CPLANE1: variants seen among roughly 807,000 people sequenced by gnomAD.
CPLANE1 encodes the protein ciliogenesis and planar polarity effector 1.
A neutral mutation model predicts 362.5 loss-of-function variants in CPLANE1; 263 were observed. That is an observed-to-expected ratio of 0.73 (90% CI 0.66 to 0.80). The LOEUF (loss-of-function observed/expected upper bound fraction) is 0.80. Among genes scored for constraint, CPLANE1 ranks in the 30% least tolerant of loss-of-function variants. The pLI is 0.00. For missense variants in CPLANE1, 3,461 were observed against 3,793.4 expected, an observed-to-expected ratio of 0.91 and a Z score of 2.30; for synonymous variants, 1,212 against 1,302.6, an observed-to-expected ratio of 0.93 and a Z score of 1.50.
At chr5:37,087,607 C>A in the CPLANE1 span, among the ~76,000 whole-genome samples, 33 of 152,172 alleles carry the variant, frequency 2.2e-4, no homozygotes, top group Non-Finnish European at 5.9e-5. Flanking sequence ...CAGGCGCCCA[C>A]CACCACGCCC....
chr5:37,233,978 G>A (rs1045249465), intron 8 of CPLANE1, among the ~76,000 whole-genome samples: 3 of 152,142 alleles, frequency 2.0e-5, no homozygotes, highest in African/African-American at 7.2e-5. Context: ...CCAACCCTGT[G>A]TACTACTGAA....
At chr5:37,208,843 A>G (rs1277913079) in intron 16 of CPLANE1, among the ~76,000 whole-genome samples, 1 of 152,066 alleles carries the variant, frequency 6.6e-6, no homozygotes, top group Admixed American at 6.6e-5. Context: ...ATATATTTAA[A>G]TTTCTGTCTC....
chr5:37,159,204 C>A lies in CPLANE1; in HGVS notation c.7691-859G>T, dbSNP rs528213637. Among the ~76,000 whole-genome samples, 26 of 146,848 alleles carry A rather than the reference C, an allele frequency of 1.8e-4. No homozygotes were observed. In the South Asian group the frequency reaches 4.2e-3, roughly 23 times the overall value. ...TCGGCTCACTGCAAGCTCCGCTTCC[C>A]GGGTTCACGCCATTCTCCTGCCTCA... On this transcript the variant is annotated intron_variant, in intron 38 of 52. Coordinates refer to ENST00000651892, the MANE Select transcript of CPLANE1 (RefSeq NM_001384732.1).
chr5:37,208,488 T>A (rs532006363), intron 16 of CPLANE1, among the ~76,000 whole-genome samples: 60 of 152,282 alleles, frequency 3.9e-4, no homozygotes, highest in African/African-American at 1.4e-3. Flanking sequence ...CCATCCTGGC[T>A]AACACGGTGA....
At position 37,198,702 on chromosome 5, in the gene CPLANE1, C is replaced by T. The variant is rs1220560319; in HGVS notation, c.3672G>A (p.Lys1224=). ...GTAAATGACTAAGATATTTCCATAC[C>T]TTCTGCATGACTTTTCTTGCCCACC... ...QLRWARKVMQ[K]IRMKGSLPSL... The change falls in exon 20 of 53, where the codon AAG becomes AAA. Residue 1224 remains lysine, a splice_region_variant and synonymous_variant. Transcript: ENST00000651892. The T allele has an allele frequency of 2.5e-6, 4 of 1,612,092 alleles. No individual in the cohort carries two copies. In the African/African-American group the frequency reaches 4.0e-5, roughly 16 times the overall value.
At chr5:37,118,373 C>A (rs1401008838) in intron 50 of CPLANE1, among the ~76,000 whole-genome samples, 6 of 148,302 alleles carry the variant, frequency 4.0e-5, no homozygotes, top group Admixed American at 3.4e-4. Flanking sequence ...TGGCACAGCA[C>A]TCCAGACTGG....
intron 47 of CPLANE1, among the ~76,000 whole-genome samples, chr5:37,123,293 C>A (rs1026176988): frequency 3.3e-5 from 5 of 152,106 alleles, no homozygotes; most frequent in Non-Finnish European, 7.4e-5. Context: ...TTTTCACACA[C>A]AATTATGTAT....
Position 37,158,722 on chromosome 5 carries a change from T to C in CPLANE1, c.7691-377A>G, listed in dbSNP as rs146183101. The stretch of plus-strand genomic sequence containing the variant: ...AGAAGATTAACCTATAACTAATTTT[T>C]TTTTAACTTGAACACTTTCTTGTTA... On this transcript the variant is annotated intron_variant, in intron 38 of 52. Transcript: ENST00000651892. 1.1e-3 allele frequency among the ~76,000 whole-genome samples: 162 copies of C among 152,290 alleles called. 2 individuals carry two copies. Among genetic ancestry groups the C allele is most frequent in the Admixed American group, 8.7e-3 (133 of 15,294 alleles).
At chr5:37,091,784 C>T in the CPLANE1 span, among the ~76,000 whole-genome samples, 7 of 152,016 alleles carry the variant, frequency 4.6e-5, no homozygotes, top group African/African-American at 1.7e-4. Context: ...CTTTGAATTC[C>T]AGCATGATGC....
intron 20 of CPLANE1, among the ~76,000 whole-genome samples, chr5:37,196,818 A>C (rs1787619452): frequency 6.6e-6 from 1 of 152,044 alleles, no homozygotes. Flanking sequence ...CCAGGTACTC[A>C]GGAGGCTGAG....
rs982241049 is a variant in CPLANE1 at position 37,209,608 on chromosome 5, T to C, written c.2921-3183A>G. 7.7e-6 allele frequency: 11 copies of C among 1,433,606 alleles called. No individual in the cohort carries two copies. Among genetic ancestry groups the C allele is most frequent in the Non-Finnish European group, 1.1e-5 (11 of 1,016,912 alleles). The allele number at this position is 1,433,606 out of a possible 1,614,324, so 88.8% of individuals were successfully genotyped here. A position where few individuals can be genotyped will look rare whatever the true frequency, so the allele number is the denominator to read the frequency against. ...TCTAACTCTTTAGTGGCAGATCACT[T>C]ACAAAGATGTGGCTGTGAATATTCA... On this transcript the variant is annotated intron_variant, in intron 16 of 52. Transcript: ENST00000651892. The surrounding 1 kb of genome is among the most constrained non-coding windows in gnomAD (Gnocchi z 4.6).
In CPLANE1 at chr5:37,179,404, C is replaced by G. The variant is rs1227202519; in HGVS notation, c.5777G>C (p.Ser1926Thr). The G allele has an allele frequency of 1.2e-6, 2 of 1,613,434 alleles. No homozygotes were observed. Among genetic ancestry groups the G allele is most frequent in the Non-Finnish European group, 8.5e-7 (1 of 1,179,592 alleles). ...TAAAGTCATCATGCAAATGGCAAGA[C>G]TGGGACTTCTGAAACCTCCAACAGA... ...EESVGGFRSP[S>T]LAICMMTLPQ... The change falls in exon 29 of 53, where the codon AGT (serine) becomes ACT (threonine). Residue 1926 changes from serine (S) to threonine (T), a missense_variant. This residue lies in a region of CPLANE1 where 3,380 missense variants were observed against 3,666.1 expected (regional missense o/e 0.92). Transcript: ENST00000651892.
At position 37,226,786 on chromosome 5, in the gene CPLANE1, A is replaced by G. The variant is rs115435816; in HGVS notation, c.1809T>C (p.Thr603=). ...LMLNYIVVCI[T]HFFYILQFIK... is the part of the protein sequence containing the mutation. ...TAAATTGAAGAATGTAAAAAAAATG[A>G]GTGATACAAACTACTATGTAATTTA... Residue 603 remains threonine (T), a synonymous_variant, in exon 12 of 53, where the codon ACT becomes ACC. Transcript: ENST00000651892. 3.2e-3 allele frequency: 4,960 copies of G among 1,543,388 alleles called. 147 individuals carry two copies. The African/African-American group carries it at 0.062, about 19-fold the overall frequency.
intron 46 of CPLANE1, among the ~76,000 whole-genome samples, chr5:37,136,713 C>T (rs975130307): frequency 1.3e-5 from 2 of 152,250 alleles, no homozygotes; most frequent in African/African-American, 4.8e-5. Context: ...TCCCAAACTT[C>T]AATTCTTGAC....
At position 37,227,736 on chromosome 5, in the gene CPLANE1, A is replaced by G; in HGVS notation, c.1203T>C (p.Phe401=). 1 of 1,551,490 alleles carries G rather than the reference A, an allele frequency of 6.4e-7. No homozygotes were observed. Among genetic ancestry groups the G allele is most frequent in the Non-Finnish European group, 8.7e-7 (1 of 1,146,860 alleles). The change falls in exon 10 of 53, where the codon TTT becomes TTC. Residue 401 remains phenylalanine (F), a synonymous_variant. Transcript: ENST00000651892. ...ASDSDPMRQR[F]SIKAHSRLPY... Reference sequence around the variant, plus strand: ...GTAACCGTGAGTGTGCTTTTATAGAAAATCTCTGTCTCATAGGGTCACTAT... The same window carrying G: ...GTAACCGTGAGTGTGCTTTTATAGAGAATCTCTGTCTCATAGGGTCACTAT...
intron 46 of CPLANE1, 169 bp downstream of exon 46, chr5:37,138,551 G>A (rs765460298): frequency 1.3e-5 from 10 of 766,936 alleles, no homozygotes; most frequent in Non-Finnish European, 1.8e-5. Flanking sequence ...ACTATATATT[G>A]TTAGAGAAAA....
chr5:37,164,385 G>T lies in CPLANE1; in HGVS notation c.7534-58C>A. On this transcript the variant is annotated intron_variant, in intron 36 of 52. Coordinates refer to ENST00000651892, the MANE Select transcript of CPLANE1 (RefSeq NM_001384732.1). ...TAACTCAAAGATGTGTATTATTTTT[G>T]AAAAAAAAATCAATAGCTATGAAGA... is the stretch of plus-strand genomic sequence containing the variant. The T allele has an allele frequency of 3.8e-6, 5 of 1,332,966 alleles. No individual in the cohort carries two copies. In the South Asian group the frequency reaches 6.3e-5, roughly 17 times the overall value. 82.6% of individuals were successfully genotyped at this position (1,332,966 alleles called of 1,614,324 possible). A position where few individuals can be genotyped will look rare whatever the true frequency, so the allele number is the denominator to read the frequency against.
rs1415822994 is a variant in CPLANE1, at chr5:37,107,568, G to A, written c.*34C>T. ...TTCAGAACCACATTACTGAGGTGCT[G>A]GCCTGTGCATGGAAACCCAATGATA... On this transcript the variant is annotated 3_prime_UTR_variant, in exon 53 of 53. Coordinates refer to ENST00000651892, the MANE Select transcript of CPLANE1 (RefSeq NM_001384732.1). 1 of 1,571,544 alleles carries A rather than the reference G, an allele frequency of 6.4e-7. No individual in the cohort carries two copies. Among genetic ancestry groups the A allele is most frequent in the Non-Finnish European group, 8.7e-7 (1 of 1,154,866 alleles).
At chr5:37,091,590 C>T in the CPLANE1 span, among the ~76,000 whole-genome samples, 2 of 152,122 alleles carry the variant, frequency 1.3e-5, no homozygotes, top group Non-Finnish European at 2.9e-5. Context: ...CCTTATTTAC[C>T]CTTAATTTTC....
Sources: gnomAD v4.1 joint callset for allele counts (sites outside exome capture counted in the v4.1 genomes callset) on GRCh38, gnomAD v4.1.1 for gene constraint, gnomAD v4.1.1 regional missense constraint, Gnocchi (gnomAD v3.1) non-coding constraint, MANE v1.5 for transcripts, NCBI Gene and HGNC (gene_info 2026-07-23, HGNC 2026-07-21) for gene names.